Variants in CAST observed in about 807,000 individuals in gnomAD.
CAST encodes the protein MIR583 host.
In CAST, 76 loss-of-function variants were observed where a neutral mutation model predicts 119.6. The ratio of observed to expected loss-of-function variants is 0.64; its 90% CI spans 0.53 to 0.77. The LOEUF is 0.77. Among genes scored for constraint, CAST ranks in the 30% least tolerant of loss-of-function variants. CAST has a pLI of 0.00. For synonymous variants in CAST, 319 were observed against 331.6 expected (o/e 0.96, Z 0.41); for missense variants, 953 against 946.5 (o/e 1.01, Z -0.09).
At chr5:96,169,303 G>C in the CAST span, among the ~76,000 whole-genome samples, 1 of 152,150 alleles carries the variant, frequency 6.6e-6, no homozygotes, top group African/African-American at 2.4e-5. Context: ...GGGTGTCAGG[G>C]TCAGTCCAAC....
the CAST span, among the ~76,000 whole-genome samples, chr5:96,166,846 A>C: frequency 6.6e-6 from 1 of 152,164 alleles, no homozygotes; most frequent in Non-Finnish European, 1.5e-5. Context: ...TATATTAATA[A>C]GAAAAATAAA....
At position 96,534,739 on chromosome 5, in the gene CAST, GAGAAAGAAAGAA is replaced by G. The variant is rs1207971503; in HGVS notation, c.60+4912_60+4923del. Among the ~76,000 whole-genome samples, 132 of 22,700 alleles carry G rather than the reference GAGAAAGAAAGAA, an allele frequency of 5.8e-3. 5 individuals are homozygous for G. The highest frequency in any genetic ancestry group is 0.016 in the African/African-American group (118 of 7,216). 14.9% of individuals were successfully genotyped at this position (22,700 alleles called of 152,430 possible). On this transcript the variant is annotated intron_variant, in intron 1 of 11. Coordinates refer to the CAST transcript ENST00000505143. ...GGAGAGAGAGAGAGAGAGAGAGAGA[GAGAAAGAAAGAA>G]AGAAAGAAAGAAAGAAAGAAAGAAA...
At chr5:96,113,460 C>T in the CAST span, among the ~76,000 whole-genome samples, 3 of 152,210 alleles carry the variant, frequency 2.0e-5, no homozygotes, top group African/African-American at 7.2e-5. Context: ...TTAGGAAATG[C>T]ACTGCAAAAT....
chr5:96,127,460 A>G, the CAST span, among the ~76,000 whole-genome samples: 1 of 152,130 alleles, frequency 6.6e-6, no homozygotes, highest in Admixed American at 6.6e-5. Flanking sequence ...TGTGTCTGAA[A>G]GCTGAGTACT....
chr5:96,644,916 C>A (rs1447329211), intron 1 of CAST, among the ~76,000 whole-genome samples: 1 of 152,124 alleles, frequency 6.6e-6, no homozygotes, highest in Admixed American at 6.5e-5. Context: ...GCAGAGGTTG[C>A]GGTGAGCCAA....
At chr5:96,106,952 G>C in the CAST span, among the ~76,000 whole-genome samples, 4 of 142,400 alleles carry the variant, frequency 2.8e-5, no homozygotes, top group Admixed American at 7.0e-5. Context: ...TCCTCTTGTT[G>C]AATTGATCCC....
the CAST span, among the ~76,000 whole-genome samples, chr5:96,106,449 C>G: frequency 0.28 from 41,900 of 151,868 alleles, 5,876 homozygotes; most frequent in East Asian, 0.37. Flanking sequence ...TTTCAAAGAA[C>G]ATCTTTATTT....
intron 3 of CAST, among the ~76,000 whole-genome samples, chr5:96,720,188 T>C (rs1332553961): frequency 6.6e-6 from 1 of 152,244 alleles, no homozygotes; most frequent in Non-Finnish European, 1.5e-5. Flanking sequence ...TGGTAAAATC[T>C]TGGACATGAG....
At chr5:96,424,538 T>C in the CAST span, among the ~76,000 whole-genome samples, 1 of 152,220 alleles carries the variant, frequency 6.6e-6, no homozygotes, top group South Asian at 2.1e-4. Flanking sequence ...TTACTATTTC[T>C]ACAACACAGA....
chr5:96,096,958 A>G, the CAST span, among the ~76,000 whole-genome samples: 2 of 152,240 alleles, frequency 1.3e-5, no homozygotes, highest in African/African-American at 4.8e-5. Context: ...CATATGAGTC[A>G]TAAAGATCAT....
At chr5:96,553,609 A>G (rs1038827577) in intron 1 of CAST, among the ~76,000 whole-genome samples, 4 of 152,224 alleles carry the variant, frequency 2.6e-5, no homozygotes, top group Admixed American at 2.0e-4. Context: ...AGAGGAAGTC[A>G]AATTGTCTCT....
chr5:96,514,478 T>C, the CAST span, among the ~76,000 whole-genome samples: 1 of 152,216 alleles, frequency 6.6e-6, no homozygotes, highest in African/African-American at 2.4e-5. Flanking sequence ...ATTTCTTTTA[T>C]ATATCCAAAT....
the CAST span, among the ~76,000 whole-genome samples, chr5:96,261,015 G>T: frequency 2.0e-5 from 3 of 152,172 alleles, no homozygotes; most frequent in African/African-American, 7.2e-5. Context: ...GCTGAGTAAG[G>T]GTGGGCTTAT....
At chr5:96,608,900 A>G (rs758723558) in intron 1 of CAST, among the ~76,000 whole-genome samples, 5 of 152,166 alleles carry the variant, frequency 3.3e-5, no homozygotes. Flanking sequence ...TACTATCACA[A>G]GAACAGCAAA....
At chr5:96,165,163 G>A in the CAST span, among the ~76,000 whole-genome samples, 17 of 151,798 alleles carry the variant, frequency 1.1e-4, no homozygotes, top group Non-Finnish European at 2.2e-4. Context: ...ATGACACCTC[G>A]GCAGATTCCT....
chr5:96,713,754 C>T (rs1756667373), intron 3 of CAST, among the ~76,000 whole-genome samples: 1 of 152,022 alleles, frequency 6.6e-6, no homozygotes, highest in Non-Finnish European at 1.5e-5. Context: ...GTGGGTGGAT[C>T]ACCTGAGGTC....
intron 15 of CAST, 84 bp downstream of exon 15, chr5:96,741,664 A>G (rs1762710801): frequency 1.2e-6 from 1 of 856,762 alleles, no homozygotes; most frequent in African/African-American, 1.7e-5. Context: ...CACATAACCC[A>G]TGATGAGAAG....
At chr5:96,212,804 G>A in the CAST span, among the ~76,000 whole-genome samples, 13 of 152,010 alleles carry the variant, frequency 8.6e-5, no homozygotes, top group African/African-American at 2.4e-4. Flanking sequence ...TGTTCTCTTG[G>A]TAGAGTCACC....
chr5:96,550,746 C>T (rs980192197), intron 1 of CAST, among the ~76,000 whole-genome samples: 1 of 152,156 alleles, frequency 6.6e-6, no homozygotes, highest in African/African-American at 2.4e-5. Context: ...CTGAAAACCA[C>T]AGTACGAGAA....
Sources: gnomAD v4.1 joint callset for allele counts (sites outside exome capture counted in the v4.1 genomes callset) on GRCh38, gnomAD v4.1.1 for gene constraint, MANE v1.5 for transcripts, NCBI Gene and HGNC (gene_info 2026-07-23, HGNC 2026-07-21) for gene names.